Variants in KMT2C observed in about 807,000 individuals in gnomAD.
The protein encoded by KMT2C is histone-lysine N-methyltransferase 2C.
A neutral mutation model predicts 507.9 loss-of-function variants in KMT2C; 88 were observed. The observed-to-expected ratio is 0.17, with a 90% confidence interval of 0.15 to 0.21. The LOEUF (loss-of-function observed/expected upper bound fraction) is 0.21. Among genes scored for constraint, KMT2C ranks in the 10% least tolerant of loss-of-function variants. The pLI is 1.00. For missense variants in KMT2C, 4,954 were observed against 5,957.8 expected (o/e 0.83, Z 5.55); for synonymous variants, 2,049 against 2,080.8 (o/e 0.98, Z 0.42).
chr7:152,200,336 TACA>T lies in KMT2C; in HGVS notation c.4093-880_4093-878del, dbSNP rs1382109934. On this transcript the variant is annotated intron_variant, in intron 26 of 58. Transcript: ENST00000262189. ...AATTATAGACACTTATATTACAAAA[TACA>T]ACAATTTTTTAAAAGTATATAGTTC... Among the ~76,000 whole-genome samples the T allele has an allele frequency of 7.4e-5, 11 of 149,482 alleles. No homozygotes were observed. The East Asian group carries it at 7.7e-4, about 10-fold the overall frequency.
intron 1 of KMT2C, among the ~76,000 whole-genome samples, chr7:152,393,520 A>G (rs1259565802): frequency 1.3e-5 from 2 of 152,190 alleles, no homozygotes; most frequent in Non-Finnish European, 2.9e-5. Context: ...TACAGAGTCC[A>G]CTTCCCATTA....
intron 48 of KMT2C, 90 bp downstream of exon 48, chr7:152,153,920 T>G: frequency 7.8e-7 from 1 of 1,274,456 alleles, no homozygotes; most frequent in South Asian, 1.3e-5. Flanking sequence ...TCAGTGATCC[T>G]GTTTGTGTGT....
Position 152,205,147 on chromosome 7 carries a change from G to C in KMT2C, c.3920C>G (p.Ser1307Cys), listed in dbSNP as rs559949839. Reference protein sequence around the residue: ...KTKRSVIRKDSSGSISEQLPC... With the variant: ...KTKRSVIRKDCSGSISEQLPC... ...TAACTGCTCGGAAATAGAGCCTGAG[G>C]AATCTTTTCTGATCACAGATCTTTT... The change falls in exon 25 of 59, where the codon TCC (serine) becomes TGC (cysteine). Residue 1307 changes from serine (S) to cysteine (C), a missense_variant. Physicochemically the swap from Ser to Cys is moderately radical, Grantham distance 112. Transcript: ENST00000262189. The C allele has an allele frequency of 1.9e-6, 3 of 1,612,142 alleles. No homozygotes were observed. The highest frequency in any genetic ancestry group is 2.5e-6 in the Non-Finnish European group (3 of 1,178,770).
chr7:152,184,223 C>G (rs980044761), intron 34 of KMT2C, among the ~76,000 whole-genome samples: 2 of 150,654 alleles, frequency 1.3e-5, no homozygotes, highest in Non-Finnish European at 2.9e-5. Flanking sequence ...AAATAAAACA[C>G]AGCATATTAA....
At chr7:152,306,378 T>C (rs1173142329) in intron 6 of KMT2C, among the ~76,000 whole-genome samples, 10 of 151,924 alleles carry the variant, frequency 6.6e-5, no homozygotes, top group African/African-American at 9.7e-5. Context: ...TCACATTTCA[T>C]CCATGCTACA....
chr7:152,313,484 GAA>G (rs2096693193), intron 4 of KMT2C, among the ~76,000 whole-genome samples: 1 of 151,936 alleles, frequency 6.6e-6, no homozygotes, highest in Admixed American at 6.6e-5. Flanking sequence ...GCCCAGCTTA[GAA>G]AGAGATATCA....
At chr7:152,319,883 T>C (rs1187431938) in intron 3 of KMT2C, among the ~76,000 whole-genome samples, 1 of 152,158 alleles carries the variant, frequency 6.6e-6, no homozygotes, top group African/African-American at 2.4e-5. Context: ...CCCTGTCCAC[T>C]GGACATGTGA....
chr7:152,182,679 A>C, intron 35 of KMT2C, 85 bp from the exon 36 acceptor site: 1 of 1,243,862 alleles, frequency 8.0e-7, no homozygotes, highest in South Asian at 1.5e-5. Context: ...ACAGAAAGTT[A>C]ATTTGTTTGA....
Position 152,294,402 on chromosome 7 carries a change from A to C in KMT2C, c.849+15564T>G, listed in dbSNP as rs2096468119. Reference sequence around the variant, plus strand: ...GGTAACATGACCTGGGGAAGAAGTCACTTGACATTAGCTAACAATGTCAGA... The same window carrying C: ...GGTAACATGACCTGGGGAAGAAGTCCCTTGACATTAGCTAACAATGTCAGA... On this transcript the variant is annotated intron_variant, in intron 6 of 58. Coordinates refer to ENST00000262189, the MANE Select transcript of KMT2C (RefSeq NM_170606.3). Among the ~76,000 whole-genome samples, 3 of 152,362 alleles carry C rather than the reference A, an allele frequency of 2.0e-5. No individual in the cohort carries two copies. The South Asian group carries it at 6.2e-4, about 32-fold the overall frequency.
At chr7:152,325,563 C>T (rs192713823) in intron 3 of KMT2C, among the ~76,000 whole-genome samples, 72 of 151,798 alleles carry the variant, frequency 4.7e-4, no homozygotes, top group African/African-American at 1.7e-3. Flanking sequence ...TGGGCTCAAG[C>T]GATCCTCCCA....
intron 1 of KMT2C, among the ~76,000 whole-genome samples, chr7:152,378,277 A>T (rs1331180882): frequency 6.6e-6 from 1 of 152,236 alleles, no homozygotes; most frequent in Non-Finnish European, 1.5e-5. Flanking sequence ...TGAAAGAAAC[A>T]GGCAATCAAT....
At chr7:152,246,148 A>G (rs1407725004) in intron 14 of KMT2C, among the ~76,000 whole-genome samples, 5 of 152,194 alleles carry the variant, frequency 3.3e-5, no homozygotes, top group African/African-American at 7.2e-5. Flanking sequence ...TGGAAGATCT[A>G]TCTTGTACTA....
chr7:152,289,849 C>T (rs2096378133), intron 6 of KMT2C, among the ~76,000 whole-genome samples: 1 of 151,972 alleles, frequency 6.6e-6, no homozygotes. Context: ...GAGTTCAAGA[C>T]CAGCCTAGCC....
chr7:152,429,665 T>C lies in KMT2C; in HGVS notation c.161+5961A>G, dbSNP rs2097849590. 7.9e-5 allele frequency among the ~76,000 whole-genome samples: 12 copies of C among 151,546 alleles called. No homozygotes were observed. In the South Asian group the frequency reaches 2.1e-3, roughly 26 times the overall value. On this transcript the variant is annotated intron_variant, in intron 1 of 58. Coordinates refer to ENST00000262189, the MANE Select transcript of KMT2C (RefSeq NM_170606.3). The stretch of plus-strand genomic sequence containing the variant: ...CCTCCCGAGTCACTGGGACTATAGG[T>C]GCCTGCCACCACGCCCAGCTAATTT...
intron 1 of KMT2C, among the ~76,000 whole-genome samples, chr7:152,363,976 C>T (rs1053118968): frequency 2.0e-5 from 3 of 152,142 alleles, no homozygotes; most frequent in African/African-American, 7.2e-5. Flanking sequence ...GGCAAGACCT[C>T]AATGACTATG....
chr7:152,220,962 T>C (rs1415201101), intron 22 of KMT2C, among the ~76,000 whole-genome samples: 2 of 152,078 alleles, frequency 1.3e-5, no homozygotes, highest in African/African-American at 4.8e-5. Flanking sequence ...TTTTAAAAAA[T>C]GGTCTTCCTG....
chr7:152,293,220 G>C (rs926950465), intron 6 of KMT2C, among the ~76,000 whole-genome samples: 5 of 152,118 alleles, frequency 3.3e-5, no homozygotes, highest in African/African-American at 1.2e-4. Context: ...GGAGGAAAAA[G>C]ATGTTTCAAT....
intron 1 of KMT2C, among the ~76,000 whole-genome samples, chr7:152,420,849 A>G (rs2097773249): frequency 2.0e-5 from 3 of 151,828 alleles, no homozygotes. Flanking sequence ...AAAAAGGCCT[A>G]ATATACAGAA....
chr7:152,305,950 T>C (rs976598727), intron 6 of KMT2C, among the ~76,000 whole-genome samples: 2 of 152,152 alleles, frequency 1.3e-5, no homozygotes, highest in Admixed American at 1.3e-4. Flanking sequence ...GGGGTGTCAT[T>C]GTTTCTATGC....
Sources: gnomAD v4.1 joint callset for allele counts (sites outside exome capture counted in the v4.1 genomes callset) on GRCh38, gnomAD v4.1.1 for gene constraint, MANE v1.5 for transcripts, NCBI Gene and HGNC (gene_info 2026-07-23, HGNC 2026-07-21) for gene names.